The following ANKRD44 variants were observed in gnomAD, a reference collection of about 807,000 sequenced individuals.
The protein encoded by ANKRD44 is serine/threonine-protein phosphatase 6 regulatory ankyrin repeat subunit B.
Under a neutral mutation model 116.0 loss-of-function variants are expected in ANKRD44, and 35 were observed. That is an observed-to-expected ratio of 0.30 (90% CI 0.23 to 0.40). The LOEUF (loss-of-function observed/expected upper bound fraction) is 0.40. Ranked by LOEUF, ANKRD44 falls within the 10% of genes least tolerant of loss-of-function variation. The probability of loss-of-function intolerance (pLI) is 1.00; values close to 1 mark genes in which losing one functional copy is unlikely to be tolerated. For synonymous variants in ANKRD44, 435 were observed against 461.8 expected (o/e 0.94, Z 0.74); for missense variants, 1,014 against 1,242.6 (o/e 0.82, Z 2.77).
rs998598448 is a variant in ANKRD44, at chr2:197,126,987, C to CA, written c.262-951dup. ...TGGGCAACAGAGCAAGACCCTGTCT[C>CA]AAAAAAAAAAATACAGTAGTTTAAA... On this transcript the variant is annotated intron_variant, in intron 4 of 27. Transcript: ENST00000282272. Among the ~76,000 whole-genome samples, 457 of 141,654 alleles carry CA rather than the reference C, an allele frequency of 3.2e-3. 2 individuals are homozygous for CA. The highest frequency in any genetic ancestry group is 0.011 in the Middle Eastern group (3 of 262). 92.9% of individuals were successfully genotyped at this position (141,654 alleles called of 152,430 possible). A position where few individuals can be genotyped will look rare whatever the true frequency, so the allele number is the denominator to read the frequency against.
chr2:197,055,545 G>A (rs1308841642), intron 16 of ANKRD44, among the ~76,000 whole-genome samples: 2 of 151,996 alleles, frequency 1.3e-5, no homozygotes, highest in Admixed American at 6.6e-5. Flanking sequence ...GTTCTCTTAC[G>A]CTTACTTCTA....
intron 3 of ANKRD44, among the ~76,000 whole-genome samples, chr2:197,136,923 C>G (rs545459338): frequency 2.0e-5 from 3 of 152,304 alleles, no homozygotes; most frequent in East Asian, 3.9e-4. Context: ...GATAGGACAT[C>G]AGGCCTATAA....
intron 1 of ANKRD44, among the ~76,000 whole-genome samples, chr2:197,187,598 G>A (rs571565093): frequency 1.9e-4 from 28 of 151,040 alleles, no homozygotes; most frequent in Admixed American, 1.6e-3. Flanking sequence ...CAATAGGACC[G>A]GTGTCTTCAT....
chr2:197,018,674 G>C (rs79768727), intron 17 of ANKRD44, among the ~76,000 whole-genome samples: 6,209 of 152,112 alleles, frequency 0.041, 398 homozygotes, highest in African/African-American at 0.14. Flanking sequence ...ACTTAATGTG[G>C]GTTGTTCCTG....
chr2:197,207,451 T>C (rs1031689571), intron 1 of ANKRD44, among the ~76,000 whole-genome samples: 23 of 152,214 alleles, frequency 1.5e-4, no homozygotes, highest in Admixed American at 1.3e-3. Context: ...ATTTTTATTT[T>C]TTGCCACCTC....
At chr2:196,995,337 TATG>T in intron 26 of ANKRD44, 39 bp downstream of exon 26, 6 of 1,430,906 alleles carry the variant, frequency 4.2e-6, no homozygotes, top group Non-Finnish European at 4.9e-6. Flanking sequence ...AATAAATGAC[TATG>T]ACCCTGGGTT....
chr2:197,142,892 C>A (rs1421208046), intron 3 of ANKRD44, among the ~76,000 whole-genome samples: 2 of 151,446 alleles, frequency 1.3e-5, no homozygotes, highest in African/African-American at 2.4e-5. Context: ...GTAATCCCAG[C>A]ACTTCAAGAG....
At chr2:197,101,821 G>A (rs2078300526) in intron 9 of ANKRD44, among the ~76,000 whole-genome samples, 1 of 152,058 alleles carries the variant, frequency 6.6e-6, no homozygotes, top group Non-Finnish European at 1.5e-5. Context: ...ATTTTTTACT[G>A]TGTGCTTATA....
At chr2:197,041,140 C>CAAGAA (rs2076903466) in intron 16 of ANKRD44, among the ~76,000 whole-genome samples, 1 of 152,114 alleles carries the variant, frequency 6.6e-6, no homozygotes, top group Non-Finnish European at 1.5e-5. Context: ...GTGCCTTTCC[C>CAAGAA]TTCTTCCAAA....
chr2:197,116,304 T>C (rs1255242160), intron 8 of ANKRD44, among the ~76,000 whole-genome samples: 2 of 152,088 alleles, frequency 1.3e-5, no homozygotes, highest in Admixed American at 6.5e-5. Context: ...TAAGTGGAGG[T>C]TGGTAAAGAG....
intron 9 of ANKRD44, among the ~76,000 whole-genome samples, chr2:197,109,364 C>T (rs1475258932): frequency 6.6e-6 from 1 of 152,190 alleles, no homozygotes; most frequent in African/African-American, 2.4e-5. Flanking sequence ...GCACATATTT[C>T]AAATTAGAAA....
chr2:197,214,181 G>A (rs1318132715), intron 1 of ANKRD44, among the ~76,000 whole-genome samples: 1 of 152,074 alleles, frequency 6.6e-6, no homozygotes, highest in Non-Finnish European at 1.5e-5. Context: ...GTGTATATTA[G>A]GGTGTTGGTT....
In ANKRD44 at chr2:196,989,219, T is replaced by C. The variant is rs186797762; in HGVS notation, c.*372A>G. 7 of 983,210 alleles carry C rather than the reference T, an allele frequency of 7.1e-6. No homozygotes were observed. In the East Asian group the frequency reaches 6.8e-4, roughly 95 times the overall value. 60.9% of individuals were successfully genotyped at this position (983,210 alleles called of 1,614,324 possible). A position where few individuals can be genotyped will look rare whatever the true frequency, so the allele number is the denominator to read the frequency against. On this transcript the variant is annotated 3_prime_UTR_variant, in exon 28 of 28. Transcript: ENST00000282272. The stretch of plus-strand genomic sequence containing the variant: ...GGATGTTTCCTCACCATTTGTTTCA[T>C]TTCAAATAAATATAAACACATTTAC...
chr2:197,047,782 T>C (rs1185126387), intron 16 of ANKRD44, among the ~76,000 whole-genome samples: 1 of 152,050 alleles, frequency 6.6e-6, no homozygotes, highest in Non-Finnish European at 1.5e-5. Flanking sequence ...TGGTGGTGTG[T>C]GCCTGTACTC....
In ANKRD44 at chr2:197,122,715, G is replaced by A. The variant is rs542826532; in HGVS notation, c.628C>T (p.Leu210=). Residue 210 remains leucine, a synonymous_variant, in exon 7 of 28, where the codon CTG becomes TTG. Transcript: ENST00000282272. The stretch of plus-strand genomic sequence containing the variant: ...TGTCCATTGGAGGCTGCAGCATGCA[G>A]AGGGGTATAACCCTTCTTATCCTTA... The part of the protein sequence containing the change: ...TCKDKKGYTP[L]HAAASNGQIN... 6.2e-7 allele frequency: 1 copy of A among 1,614,242 alleles called. No homozygotes were observed. Among genetic ancestry groups the A allele is most frequent in the African/African-American group, 1.3e-5 (1 of 75,064 alleles).
chr2:197,228,239 G>T (rs2081766375), intron 1 of ANKRD44, among the ~76,000 whole-genome samples: 1 of 152,206 alleles, frequency 6.6e-6, no homozygotes. Context: ...TTAGCTGCTG[G>T]TTATTGCTAT....
At position 196,995,380 on chromosome 2, in the gene ANKRD44, T is replaced by A. The variant is rs759882215; in HGVS notation, c.2830A>T (p.Thr944Ser). The change falls in exon 26 of 28, where the codon ACA becomes TCA. Residue 944 changes from threonine to serine, a missense_variant and splice_region_variant. By Grantham distance (58) the Thr-to-Ser change is moderately conservative (BLOSUM62 1). Coordinates refer to ENST00000282272, the MANE Select transcript of ANKRD44 (RefSeq NM_001195144.2). ...TCCAACTTTAGTAGTTACACTTACG[T>A]CTGCAGTGCATTATTTTTTTCATTA... The part of the protein sequence containing the change: ...LINEKNNALQ[T>S]PLHVAARNGL... The A allele has an allele frequency of 6.2e-7, 1 of 1,608,802 alleles. No homozygotes were observed. Among genetic ancestry groups the A allele is most frequent in the South Asian group, 1.1e-5 (1 of 90,190 alleles).
chr2:197,152,452 T>A (rs2079677274), intron 2 of ANKRD44, among the ~76,000 whole-genome samples: 1 of 152,134 alleles, frequency 6.6e-6, no homozygotes, highest in African/African-American at 2.4e-5. Flanking sequence ...TTCAGATGCA[T>A]GAGAAATGAG....
At chr2:197,077,335 G>C (rs1236490328) in intron 16 of ANKRD44, among the ~76,000 whole-genome samples, 1 of 152,078 alleles carries the variant, frequency 6.6e-6, no homozygotes, top group Non-Finnish European at 1.5e-5. Flanking sequence ...TTGTATCAAA[G>C]ACAGGCCCTA....
Sources: allele counts gnomAD v4.1 joint callset (sites outside exome capture counted in the v4.1 genomes callset), GRCh38; gene constraint gnomAD v4.1.1; transcripts MANE v1.5; gene names NCBI Gene and HGNC (gene_info 2026-07-23, HGNC 2026-07-21).